KIAA0408: variants seen among roughly 807,000 people sequenced by gnomAD.
KIAA0408 encodes KIAA0408.
KIAA0408 carries 51 observed loss-of-function variants against 60.9 expected under a neutral mutation model. That is an observed-to-expected ratio of 0.84 (90% CI 0.67 to 1.06). KIAA0408 has a LOEUF of 1.06. Ranked by LOEUF, KIAA0408 falls within the 50% of genes least tolerant of loss-of-function variation. The pLI, the probability that KIAA0408 is intolerant of heterozygous loss-of-function variation, is 0.00. For synonymous variants in KIAA0408, 304 were observed against 282.4 expected (o/e 1.08, Z -0.77); for missense variants, 787 against 833.9 (o/e 0.94, Z 0.69).
intron 2 of KIAA0408, among the ~76,000 whole-genome samples, chr6:127,451,923 C>T (rs1773308904): frequency 6.6e-6 from 1 of 152,018 alleles, no homozygotes; most frequent in South Asian, 2.1e-4. Context: ...ATTATTCTAC[C>T]AAAGGATACA....
rs182380441 is a variant in KIAA0408 at position 127,443,968 on chromosome 6, A to G, written c.*141T>C. Reference sequence around the variant, plus strand: ...ATGCAGGAAGATAATTATTCCTTAGATTAAAAACACTGAAGACTGATGGAA... The same window carrying G: ...ATGCAGGAAGATAATTATTCCTTAGGTTAAAAACACTGAAGACTGATGGAA... On this transcript the variant is annotated 3_prime_UTR_variant, in exon 6 of 6. Transcript: ENST00000483725. The G allele has an allele frequency of 4.2e-6, 3 of 712,532 alleles. No homozygotes were observed. The highest frequency in any genetic ancestry group is 6.8e-6 in the Non-Finnish European group (3 of 443,708). The allele number at this position is 712,532 out of a possible 1,614,324, so 44.1% of individuals were successfully genotyped here. A position where few individuals can be genotyped will look rare whatever the true frequency, so the allele number is the denominator to read the frequency against.
chr6:127,447,167 G>A lies in KIAA0408; in HGVS notation c.1152C>T (p.Thr384=), dbSNP rs771369388. 26 of 1,613,012 alleles carry A rather than the reference G, an allele frequency of 1.6e-5. No homozygotes were observed. The highest frequency in any genetic ancestry group is 2.2e-5 in the Non-Finnish European group (26 of 1,179,662). The change falls in exon 5 of 6, where the codon ACC becomes ACT. Residue 384 remains threonine (T), a synonymous_variant. Transcript: ENST00000483725. Reference sequence around the variant, plus strand: ...CCATTTCATATTTTGGATTACTGGGGGTAGAGCAGGTTTTCTGAAACCACG... The same window carrying A: ...CCATTTCATATTTTGGATTACTGGGAGTAGAGCAGGTTTTCTGAAACCACG... ...STSWFQKTCS[T]PSNPKYEMVI... is the part of the protein sequence containing the mutation.
chr6:127,454,011 G>C lies in KIAA0408; in HGVS notation c.-30C>G. The stretch of plus-strand genomic sequence containing the variant: ...ACAGTGTAAGTGTCAGCAAAGAAGT[G>C]TTTCTGCTCTTCTCTGCCTCCTCTT... On this transcript the variant is annotated 5_prime_UTR_variant, in exon 2 of 6. Transcript: ENST00000483725. 6.3e-7 allele frequency: 1 copy of C among 1,595,044 alleles called. No homozygotes were observed. Among genetic ancestry groups the C allele is most frequent in the Middle Eastern group, 1.7e-4 (1 of 5,988 alleles).
chr6:127,449,002 T>C (rs1773251073), intron 4 of KIAA0408, among the ~76,000 whole-genome samples: 1 of 152,182 alleles, frequency 6.6e-6, no homozygotes, highest in Admixed American at 6.5e-5. Flanking sequence ...CATGTGTACA[T>C]ATTTACAATA....
Position 127,450,191 on chromosome 6 carries a change from A to G in KIAA0408, c.297T>C (p.Asp99=), listed in dbSNP as rs139842964. 3.8e-5 allele frequency: 61 copies of G among 1,613,916 alleles called. No individual in the cohort carries two copies. The highest frequency in any genetic ancestry group is 6.7e-5 in the Admixed American group (4 of 59,996). Residue 99 remains aspartate, a synonymous_variant, in exon 3 of 6, where the codon GAT becomes GAC. Transcript: ENST00000483725. The part of the protein sequence containing the change: ...QSEFIRTNHK[D]GLRKENKREQ... ...CTCTTTTATTTTCTTTTCTCAGACC[A>G]TCTTTGTGATTCGTCCTTATAAATT...
At position 127,446,937 on chromosome 6, in the gene KIAA0408, T is replaced by C; in HGVS notation, c.1382A>G (p.Gln461Arg). 2 of 1,614,146 alleles carry C rather than the reference T, an allele frequency of 1.2e-6. No homozygotes were observed. Among genetic ancestry groups the C allele is most frequent in the Non-Finnish European group, 1.7e-6 (2 of 1,180,004 alleles). ...RTDRNCQAIQ[Q>R]NHSCSKSSED... ...CGATGATTTTGAGCAGCTGTGATTTTGCTGTATTGCCTGACAATTTCTATC... is the reference window on the plus strand; with the variant it reads ...CGATGATTTTGAGCAGCTGTGATTTCGCTGTATTGCCTGACAATTTCTATC... Residue 461 changes from glutamine to arginine, a missense_variant, in exon 5 of 6, where the codon CAA becomes CGA. Physicochemically the swap from Gln to Arg is conservative, Grantham distance 43. This residue lies in a region of KIAA0408 where 640 missense variants were observed against 681.3 expected (regional missense o/e 0.94). Coordinates refer to ENST00000483725, the MANE Select transcript of KIAA0408 (RefSeq NM_014702.5).
At position 127,450,451 on chromosome 6, in the gene KIAA0408, TATTAAA is replaced by T. The variant is rs1339452975; in HGVS notation, c.136-105_136-100del. The T allele has an allele frequency of 4.2e-6, 6 of 1,435,752 alleles. No homozygotes were observed. The African/African-American group carries it at 8.6e-5, about 21-fold the overall frequency. The allele number at this position is 1,435,752 out of a possible 1,614,324, so 88.9% of individuals were successfully genotyped here. Reference sequence around the variant, plus strand: ...AAACCGCTTTGAGTTCTCTTTGCCATATTAAAATATACTTCCTGGGTATTAATGCTT... The same window carrying T: ...AAACCGCTTTGAGTTCTCTTTGCCATATATACTTCCTGGGTATTAATGCTT... On this transcript the variant is annotated intron_variant, in intron 2 of 5. Transcript: ENST00000483725.
chr6:127,446,062 G>A (rs543048106), intron 5 of KIAA0408, among the ~76,000 whole-genome samples: 1 of 152,038 alleles, frequency 6.6e-6, no homozygotes, highest in Non-Finnish European at 1.5e-5. Flanking sequence ...ACTTAAAAAA[G>A]AACCTTTAAA....
intron 1 of KIAA0408, among the ~76,000 whole-genome samples, chr6:127,458,939 C>A (rs1773441179): frequency 6.6e-6 from 1 of 152,176 alleles, no homozygotes; most frequent in South Asian, 2.1e-4. Flanking sequence ...TACTGTCAGT[C>A]CACAGTTGGG....
intron 5 of KIAA0408, among the ~76,000 whole-genome samples, chr6:127,444,908 C>T (rs1323208836): frequency 6.6e-6 from 1 of 152,052 alleles, no homozygotes; most frequent in Non-Finnish European, 1.5e-5. Flanking sequence ...CACTTTTCTT[C>T]TCTTTCTTTT....
Position 127,447,170 on chromosome 6 carries a change from A to G in KIAA0408, c.1149T>C (p.Ser383=). The change falls in exon 5 of 6, where the codon TCT becomes TCC. Residue 383 remains serine (S), a synonymous_variant. Coordinates refer to ENST00000483725, the MANE Select transcript of KIAA0408 (RefSeq NM_014702.5). ...PSTSWFQKTC[S]TPSNPKYEMV... ...TTTCATATTTTGGATTACTGGGGGTAGAGCAGGTTTTCTGAAACCACGAAG... is the reference window on the plus strand; with the variant it reads ...TTTCATATTTTGGATTACTGGGGGTGGAGCAGGTTTTCTGAAACCACGAAG... 3 of 1,613,038 alleles carry G rather than the reference A, an allele frequency of 1.9e-6. No homozygotes were observed. The highest frequency in any genetic ancestry group is 2.5e-6 in the Non-Finnish European group (3 of 1,179,668).
In KIAA0408 at chr6:127,441,842, C is replaced by T. The variant is rs571429160; in HGVS notation, c.*2267G>A. 6 of 152,114 alleles carry T rather than the reference C, an allele frequency of 3.9e-5. No individual in the cohort carries two copies. In the South Asian group the frequency reaches 1.2e-3, roughly 32 times the overall value. The allele number at this position is 152,114 out of a possible 1,614,324, so 9.4% of individuals were successfully genotyped here. The stretch of plus-strand genomic sequence containing the variant: ...TACAATCAAGGAGTTGGACTAGATG[C>T]TATTTTTTTTTTCTCAGCTCTAACT... On this transcript the variant is annotated 3_prime_UTR_variant, in exon 6 of 6. Coordinates refer to ENST00000483725, the MANE Select transcript of KIAA0408 (RefSeq NM_014702.5).
At chr6:127,451,398 A>G (rs1583070086) in intron 2 of KIAA0408, 2 of 436,162 alleles carry the variant, frequency 4.6e-6, no homozygotes, top group East Asian at 1.4e-4. Context: ...GATAGCATCA[A>G]ACTGCAGCCA....
At position 127,438,842 on chromosome 6, in the gene KIAA0408, C is replaced by G. The variant is rs1773060933; in HGVS notation, c.*5267G>C. 1 of 152,124 alleles carries G rather than the reference C, an allele frequency of 6.6e-6. No homozygotes were observed. Among genetic ancestry groups the G allele is most frequent in the African/African-American group, 2.4e-5 (1 of 41,416 alleles). 9.4% of individuals were successfully genotyped at this position (152,124 alleles called of 1,614,324 possible). A position where few individuals can be genotyped will look rare whatever the true frequency, so the allele number is the denominator to read the frequency against. On this transcript the variant is annotated 3_prime_UTR_variant, in exon 6 of 6. Transcript: ENST00000483725. ...TATATTGGAAATTACTGTATGCTTG[C>G]TATGGTTTGAATACGTACCTCCAAA... is the stretch of plus-strand genomic sequence containing the variant.
At position 127,443,954 on chromosome 6, in the gene KIAA0408, T is replaced by C; in HGVS notation, c.*155A>G. 1.5e-6 allele frequency: 1 copy of C among 647,342 alleles called. No homozygotes were observed. Among genetic ancestry groups the C allele is most frequent in the South Asian group, 2.1e-5 (1 of 47,620 alleles). The allele number at this position is 647,342 out of a possible 1,614,324, so 40.1% of individuals were successfully genotyped here. ...TCTAAGAAATCAAAATGCAGGAAGA[T>C]AATTATTCCTTAGATTAAAAACACT... On this transcript the variant is annotated 3_prime_UTR_variant, in exon 6 of 6. Coordinates refer to ENST00000483725, the MANE Select transcript of KIAA0408 (RefSeq NM_014702.5).
In KIAA0408 at chr6:127,447,049, T is replaced by G; in HGVS notation, c.1270A>C (p.Asn424His). Residue 424 changes from asparagine (N) to histidine (H), a missense_variant, in exon 5 of 6, where the codon AAT becomes CAT. Physicochemically the swap from Asn to His is moderately conservative, Grantham distance 68. Coordinates refer to ENST00000483725, the MANE Select transcript of KIAA0408 (RefSeq NM_014702.5). ...SVAESSSPLR[N>H]FSCGFERTTR... ...GTCCTTTCAAAGCCACAACTGAAAT[T>G]TCTAAGTGGGCTACTGCTCTCTGCT... 1 of 1,613,456 alleles carries G rather than the reference T, an allele frequency of 6.2e-7. No homozygotes were observed. Among genetic ancestry groups the G allele is most frequent in the Non-Finnish European group, 8.5e-7 (1 of 1,179,812 alleles).
At chr6:127,449,694 A>G in intron 4 of KIAA0408, 128 bp downstream of exon 4, 1 of 1,251,686 alleles carries the variant, frequency 8.0e-7, no homozygotes, top group Non-Finnish European at 1.1e-6. Flanking sequence ...TCTATCTCCC[A>G]CCCTAGATAG....
intron 2 of KIAA0408, among the ~76,000 whole-genome samples, chr6:127,453,636 C>T (rs1773340476): frequency 6.6e-6 from 1 of 152,016 alleles, no homozygotes; most frequent in African/African-American, 2.4e-5. Context: ...AGTGACATTT[C>T]AAATGCTTAA....
rs1271239746 is a variant in KIAA0408 at position 127,444,073 on chromosome 6, T to C, written c.*36A>G. The C allele has an allele frequency of 6.2e-7, 1 of 1,604,212 alleles. No homozygotes were observed. Among genetic ancestry groups the C allele is most frequent in the African/African-American group, 1.3e-5 (1 of 74,592 alleles). On this transcript the variant is annotated 3_prime_UTR_variant, in exon 6 of 6. Coordinates refer to ENST00000483725, the MANE Select transcript of KIAA0408 (RefSeq NM_014702.5). Reference sequence around the variant, plus strand: ...GAATGCTCTGTTTGACAAGTGGGACTAGAACTTCTGTAATATAGCAATCCA... The same window carrying C: ...GAATGCTCTGTTTGACAAGTGGGACCAGAACTTCTGTAATATAGCAATCCA...
Sources: allele counts gnomAD v4.1 joint callset (sites outside exome capture counted in the v4.1 genomes callset), GRCh38; gene constraint gnomAD v4.1.1; regional missense constraint gnomAD v4.1.1; transcripts MANE v1.5; gene names NCBI Gene and HGNC (gene_info 2026-07-23, HGNC 2026-07-21).